FBRSL1: variants seen among roughly 807,000 people sequenced by gnomAD.
FBRSL1 encodes the protein fibrosin-1-like protein.
In FBRSL1, 51 loss-of-function variants were observed where a neutral mutation model predicts 89.6. That is an observed-to-expected ratio of 0.57 (90% confidence interval 0.45 to 0.72). FBRSL1 has a LOEUF of 0.72. Among genes scored for constraint, FBRSL1 ranks in the 30% least tolerant of loss-of-function variants. The pLI is 0.00. For synonymous variants in FBRSL1, 779 were observed against 681.1 expected, an observed-to-expected ratio of 1.14 and a Z score of -2.24; for missense variants, 1,618 against 1,451.8, an observed-to-expected ratio of 1.11 and a Z score of -1.86.
At position 132,525,763 on chromosome 12, in the gene FBRSL1, C is replaced by A. The variant is rs1432847615; in HGVS notation, c.519C>A (p.Asp173Glu). ...QMKVTVSKGG[D>E]RDSDDDSVLE... ...AGGTCACCGTGTCCAAAGGGGGCGACCGGGACAGTGACGACGACAGCGTCC... is the reference window on the plus strand; with the variant it reads ...AGGTCACCGTGTCCAAAGGGGGCGAACGGGACAGTGACGACGACAGCGTCC... The change falls in exon 3 of 19, where the codon GAC (aspartate) becomes GAA (glutamate). Residue 173 changes from aspartate to glutamate, a missense_variant. Transcript: ENST00000680143. 1.7e-5 allele frequency: 26 copies of A among 1,549,812 alleles called. No homozygotes were observed. Among genetic ancestry groups the A allele is most frequent in the Non-Finnish European group, 2.3e-5 (26 of 1,146,298 alleles).
chr12:132,574,812 C>T (rs1429720359), intron 14 of FBRSL1, among the ~76,000 whole-genome samples: 2 of 152,118 alleles, frequency 1.3e-5, no homozygotes, highest in Non-Finnish European at 2.9e-5. Flanking sequence ...CCGGCTGGGC[C>T]ACGGGGAGCA....
At chr12:132,530,424 A>G (rs894215771) in intron 4 of FBRSL1, among the ~76,000 whole-genome samples, 2 of 151,930 alleles carry the variant, frequency 1.3e-5, no homozygotes. Context: ...ACTGTGGGTC[A>G]GGGGGAGGGC....
chr12:132,525,789 T>C lies in FBRSL1; in HGVS notation c.545T>C (p.Leu182Pro). ...GDRDSDDDSVLEATSSRDPLS... is the reference protein window; with the variant it reads ...GDRDSDDDSVPEATSSRDPLS... ...CGGGACAGTGACGACGACAGCGTCC[T>C]CGAAGCCACCAGCTCCCGGGACCCG... Residue 182 changes from leucine to proline, a missense_variant, in exon 3 of 19, where the codon CTC (leucine) becomes CCC (proline). Physicochemically the swap from Leu to Pro is moderately conservative, Grantham distance 98. Transcript: ENST00000680143. The C allele has an allele frequency of 6.5e-7, 1 of 1,549,852 alleles. No homozygotes were observed. Among genetic ancestry groups the C allele is most frequent in the Non-Finnish European group, 8.7e-7 (1 of 1,146,312 alleles).
chr12:132,542,454 T>A (rs2037348363), intron 4 of FBRSL1, among the ~76,000 whole-genome samples: 1 of 152,220 alleles, frequency 6.6e-6, no homozygotes, highest in African/African-American at 2.4e-5. Flanking sequence ...GGGGTGTTTT[T>A]TCTGCTGGTG....
At chr12:132,495,265 A>G (rs1217593208) in intron 1 of FBRSL1, among the ~76,000 whole-genome samples, 1 of 152,240 alleles carries the variant, frequency 6.6e-6, no homozygotes, top group African/African-American at 2.4e-5. Flanking sequence ...GAGCCCAGGC[A>G]TAGGATCTGG....
intron 5 of FBRSL1, among the ~76,000 whole-genome samples, chr12:132,556,930 C>G (rs1177482684): frequency 1.3e-5 from 2 of 152,090 alleles, no homozygotes; most frequent in Non-Finnish European, 2.9e-5. Context: ...AGGACACGTG[C>G]CCCGCGGAGT....
intron 2 of FBRSL1, among the ~76,000 whole-genome samples, chr12:132,518,488 T>A (rs1263307171): frequency 7.0e-6 from 1 of 143,144 alleles, no homozygotes; most frequent in Non-Finnish European, 1.5e-5. Context: ...TCCACCCATG[T>A]GTCCATCCAC....
chr12:132,524,340 T>A (rs757849990), intron 2 of FBRSL1, among the ~76,000 whole-genome samples: 1 of 152,246 alleles, frequency 6.6e-6, no homozygotes, highest in Non-Finnish European at 1.5e-5. Flanking sequence ...TGCCTGCTAC[T>A]GTGCGGCTTG....
chr12:132,521,725 G>A (rs1024464978), intron 2 of FBRSL1, among the ~76,000 whole-genome samples: 7 of 152,310 alleles, frequency 4.6e-5, no homozygotes, highest in South Asian at 2.1e-4. Flanking sequence ...TCAGAGTTGT[G>A]CACTGCACCG....
rs914407921 is a variant in FBRSL1, at chr12:132,571,193, G to A, written c.1339G>A (p.Gly447Ser). ...ACCCCTGGGCCCGCACGTGGCGAGC[G>A]GCCACCCCGGCTTGGCCTGCCGACC... ...PAPLGPHVAS[G>S]HPGLACRPRE... Residue 447 changes from glycine to serine, a missense_variant, in exon 9 of 19, where the codon GGC becomes AGC. Physicochemically the swap from Gly to Ser is moderately conservative, Grantham distance 56. Coordinates refer to ENST00000680143, the MANE Select transcript of FBRSL1 (RefSeq NM_001367871.1). 56 of 1,431,570 alleles carry A rather than the reference G, an allele frequency of 3.9e-5. No individual in the cohort carries two copies. The African/African-American group carries it at 6.2e-4, about 16-fold the overall frequency. The allele number at this position is 1,431,570 out of a possible 1,614,324, so 88.7% of individuals were successfully genotyped here.
At chr12:132,547,576 CAG>C (rs56672673) in intron 4 of FBRSL1, among the ~76,000 whole-genome samples, 24,112 of 152,142 alleles carry the variant, frequency 0.16, 2,711 homozygotes, top group East Asian at 0.4. Context: ...TCGATCCCCT[CAG>C]GGGGTCACTG....
chr12:132,536,884 T>A (rs1566162865), intron 4 of FBRSL1, among the ~76,000 whole-genome samples: 1 of 152,264 alleles, frequency 6.6e-6, no homozygotes, highest in Non-Finnish European at 1.5e-5. Context: ...TGTATGTGGC[T>A]GTGCACATGT....
intron 1 of FBRSL1, among the ~76,000 whole-genome samples, chr12:132,498,305 G>A (rs954424863): frequency 1.2e-4 from 18 of 152,166 alleles, no homozygotes; most frequent in Admixed American, 1.1e-3. Context: ...GTTCCAGTGG[G>A]GAGGCCTGCG....
intron 5 of FBRSL1, among the ~76,000 whole-genome samples, chr12:132,561,003 A>AC (rs2039078637): frequency 6.6e-6 from 1 of 152,210 alleles, no homozygotes; most frequent in African/African-American, 2.4e-5. Context: ...AACGAGCCCC[A>AC]GAAGGTGCAG....
At chr12:132,542,760 G>A (rs1226343462) in intron 4 of FBRSL1, among the ~76,000 whole-genome samples, 2 of 152,286 alleles carry the variant, frequency 1.3e-5, no homozygotes, top group African/African-American at 4.8e-5. Context: ...ACCCCTGGGA[G>A]CAGCAACCTC....
intron 1 of FBRSL1, among the ~76,000 whole-genome samples, chr12:132,497,228 G>A (rs778502450): frequency 1.3e-5 from 2 of 152,214 alleles, no homozygotes; most frequent in African/African-American, 2.4e-5. Context: ...ATTTACTGGT[G>A]ACCAGTTAGA....
intron 1 of FBRSL1, among the ~76,000 whole-genome samples, chr12:132,493,276 C>T (rs545146524): frequency 1.2e-4 from 18 of 152,388 alleles, no homozygotes; most frequent in South Asian, 6.2e-4. Context: ...CCTCTGCCCC[C>T]ACCCGCGTCT....
At chr12:132,534,320 C>T (rs1239402183) in intron 4 of FBRSL1, among the ~76,000 whole-genome samples, 1 of 152,254 alleles carries the variant, frequency 6.6e-6, no homozygotes, top group Non-Finnish European at 1.5e-5. Flanking sequence ...AGAACACCTT[C>T]ATCTCCATGG....
In FBRSL1 at chr12:132,490,685, G is replaced by A; in HGVS notation, c.115G>A (p.Glu39Lys). 2 of 1,000,410 alleles carry A rather than the reference G, an allele frequency of 2.0e-6. No individual in the cohort carries two copies. Among genetic ancestry groups the A allele is most frequent in the Non-Finnish European group, 2.4e-6 (2 of 836,020 alleles). The allele number at this position is 1,000,410 out of a possible 1,614,324, so 62.0% of individuals were successfully genotyped here. A position where few individuals can be genotyped will look rare whatever the true frequency, so the allele number is the denominator to read the frequency against. The change falls in exon 1 of 19, where the codon GAG becomes AAG. Residue 39 changes from glutamate (E) to lysine (K), a missense_variant. Coordinates refer to ENST00000680143, the MANE Select transcript of FBRSL1 (RefSeq NM_001367871.1). ...GAGTCCGTCGTCGGGCGACGAGCCC[G>A]AGCCCAGCCCCGGCAAGGAGAACGC... ...AQSPSSGDEPEPSPGKENAGL... is the reference protein window; with the variant it reads ...AQSPSSGDEPKPSPGKENAGL...
Sources: gnomAD v4.1 joint callset for allele counts (sites outside exome capture counted in the v4.1 genomes callset) on GRCh38, gnomAD v4.1.1 for gene constraint, MANE v1.5 for transcripts, NCBI Gene and HGNC (gene_info 2026-07-23, HGNC 2026-07-21) for gene names.